CSMD3: variants seen among roughly 807,000 people sequenced by gnomAD.
CSMD3 encodes the protein CUB and Sushi multiple domains 3, also known as CUB and sushi domain-containing protein 3.
In CSMD3, 177 loss-of-function variants were observed where a neutral mutation model predicts 435.2. The ratio of observed to expected loss-of-function variants is 0.41; its 90% confidence interval spans 0.36 to 0.46. The LOEUF is 0.46. Ranked by LOEUF, CSMD3 falls within the 20% of genes least tolerant of loss-of-function variation. CSMD3 has a pLI of 0.34. For synonymous variants in CSMD3, 1,656 were observed against 1,520.5 expected, an observed-to-expected ratio of 1.09 and a Z score of -2.07; for missense variants, 4,265 against 4,504.6, an observed-to-expected ratio of 0.95 and a Z score of 1.52.
intron 5 of CSMD3, among the ~76,000 whole-genome samples, chr8:113,031,257 C>T (rs1338615777): frequency 6.6e-6 from 1 of 151,594 alleles, no homozygotes; most frequent in Non-Finnish European, 1.5e-5. Context: ...TGGTCTACAA[C>T]AGGTGAATGA....
intron 16 of CSMD3, among the ~76,000 whole-genome samples, chr8:112,674,442 T>G (rs1346580082): frequency 1.3e-5 from 2 of 151,930 alleles, no homozygotes; most frequent in Non-Finnish European, 2.9e-5. Flanking sequence ...AGGCCAAGAG[T>G]GAGGAGAATG....
intron 5 of CSMD3, among the ~76,000 whole-genome samples, chr8:113,080,083 T>G (rs989128998): frequency 6.6e-6 from 1 of 152,146 alleles, no homozygotes; most frequent in Non-Finnish European, 1.5e-5. Context: ...ATTGTTTGTT[T>G]GTTTGTTTGT....
At chr8:112,914,863 T>C (rs575086074) in intron 10 of CSMD3, among the ~76,000 whole-genome samples, 1 of 151,982 alleles carries the variant, frequency 6.6e-6, no homozygotes, top group South Asian at 2.1e-4. Flanking sequence ...GCCCAGCTAT[T>C]ATTTTGAAAC....
chr8:112,725,725 A>T (rs1377103449), intron 13 of CSMD3, among the ~76,000 whole-genome samples: 1 of 151,914 alleles, frequency 6.6e-6, no homozygotes. Flanking sequence ...AAAAAATCCG[A>T]AGGATTTTTT....
chr8:112,592,126 C>T (rs1025159946), intron 22 of CSMD3, among the ~76,000 whole-genome samples: 1 of 151,800 alleles, frequency 6.6e-6, no homozygotes, highest in Non-Finnish European at 1.5e-5. Flanking sequence ...CTCAACTTGG[C>T]AGTATTAATA....
At chr8:112,302,809 T>A (rs914025045) in intron 52 of CSMD3, among the ~76,000 whole-genome samples, 1 of 151,240 alleles carries the variant, frequency 6.6e-6, no homozygotes, top group African/African-American at 2.4e-5. Flanking sequence ...TTTGAGCTCA[T>A]CCCCCCAAAA....
chr8:112,313,864 G>A (rs770562126), intron 49 of CSMD3, 42 bp downstream of exon 49: 1 of 1,483,056 alleles, frequency 6.7e-7, no homozygotes, highest in South Asian at 1.1e-5. Context: ...TCATACCGAA[G>A]ATGATAGTGA....
chr8:112,379,268 G>T (rs762601771), intron 38 of CSMD3, among the ~76,000 whole-genome samples: 2 of 152,230 alleles, frequency 1.3e-5, no homozygotes, highest in Admixed American at 1.3e-4. Flanking sequence ...TCAGGAGTTC[G>T]ATACCAGCCT....
intron 31 of CSMD3, among the ~76,000 whole-genome samples, chr8:112,474,285 C>A (rs1818824101): frequency 6.6e-6 from 1 of 152,076 alleles, no homozygotes; most frequent in African/African-American, 2.4e-5. Context: ...AGTTTGCCAA[C>A]CCCCGAACTA....
chr8:113,270,800 G>T (rs1361461319), intron 3 of CSMD3, among the ~76,000 whole-genome samples: 2 of 151,768 alleles, frequency 1.3e-5, no homozygotes, highest in African/African-American at 4.8e-5. Flanking sequence ...ACAGGAAGGG[G>T]GACATCACGC....
intron 4 of CSMD3, among the ~76,000 whole-genome samples, chr8:113,128,116 A>T (rs534290741): frequency 7.9e-5 from 12 of 152,120 alleles, no homozygotes; most frequent in Non-Finnish European, 1.5e-4. Context: ...TTCTTTCATG[A>T]CCCATACAAC....
At chr8:113,372,962 A>C (rs535561351) in intron 1 of CSMD3, among the ~76,000 whole-genome samples, 228 of 151,916 alleles carry the variant, frequency 1.5e-3, no homozygotes, top group African/African-American at 5.3e-3. Flanking sequence ...AAAAGAAAGA[A>C]AAGACACATT....
chr8:113,272,456 A>G (rs1330196728), intron 3 of CSMD3, among the ~76,000 whole-genome samples: 3 of 151,262 alleles, frequency 2.0e-5, no homozygotes, highest in Non-Finnish European at 4.4e-5. Context: ...TAATGGTTTT[A>G]TCAGGGGTTT....
chr8:112,605,087 C>A (rs1323767569), intron 22 of CSMD3, among the ~76,000 whole-genome samples: 1 of 152,168 alleles, frequency 6.6e-6, no homozygotes. Context: ...GAGATATCAT[C>A]TGACACCAGC....
chr8:112,535,788 T>C (rs1459617689), intron 27 of CSMD3, among the ~76,000 whole-genome samples: 2 of 152,174 alleles, frequency 1.3e-5, no homozygotes, highest in Non-Finnish European at 2.9e-5. Context: ...AAGGCTACAG[T>C]GACCAAAACA....
intron 61 of CSMD3, among the ~76,000 whole-genome samples, chr8:112,259,274 G>C (rs1816149812): frequency 6.6e-6 from 1 of 152,156 alleles, no homozygotes; most frequent in South Asian, 2.1e-4. Context: ...AAAAGGATGA[G>C]TTATTGTCCT....
intron 59 of CSMD3, among the ~76,000 whole-genome samples, chr8:112,279,758 AT>A (rs1333898758): frequency 6.6e-6 from 1 of 152,158 alleles, no homozygotes; most frequent in Non-Finnish European, 1.5e-5. Context: ...TAAGACCTCC[AT>A]ATCAATATTA....
chr8:112,431,438 A>G (rs984504063), intron 32 of CSMD3, among the ~76,000 whole-genome samples: 4 of 152,154 alleles, frequency 2.6e-5, no homozygotes, highest in Non-Finnish European at 5.9e-5. Context: ...TTCTCACTGT[A>G]TATGTATTTT....
chr8:112,862,725 T>C (rs1195043878), intron 10 of CSMD3, among the ~76,000 whole-genome samples: 2 of 152,102 alleles, frequency 1.3e-5, no homozygotes, highest in Admixed American at 1.3e-4. Context: ...GTATTTGTGC[T>C]TTATACTTGT....
Sources: gnomAD v4.1 joint callset for allele counts (sites outside exome capture counted in the v4.1 genomes callset) on GRCh38, gnomAD v4.1.1 for gene constraint, MANE v1.5 for transcripts, NCBI Gene and HGNC (gene_info 2026-07-23, HGNC 2026-07-21) for gene names.